BNIP1: variants seen among roughly 807,000 people sequenced by gnomAD.
BNIP1 encodes BCL2 interacting protein 1, also known as vesicle transport protein SEC20.
BNIP1 carries 25 observed loss-of-function variants against 28.5 expected under a neutral mutation model. The observed-to-expected ratio is 0.88, with a 90% CI of 0.64 to 1.23. The LOEUF (loss-of-function observed/expected upper bound fraction) is 1.23, where lower values mean the gene tolerates loss of function less well. Ranked by LOEUF, BNIP1 falls within the 50% of genes most tolerant of loss-of-function variation. The pLI, the probability that BNIP1 is intolerant of heterozygous loss-of-function variation, is 0.00. For missense variants in BNIP1, 276 were observed against 277.0 expected (o/e 1.00, Z 0.02); for synonymous variants, 118 against 101.7 (o/e 1.16, Z -0.96).
chr5:173,144,760 G>A (rs1759782004), intron 1 of BNIP1, 131 bp downstream of exon 1: 5 of 918,426 alleles, frequency 5.4e-6, no homozygotes, highest in Non-Finnish European at 8.1e-6. Context: ...CCCCATGGTC[G>A]GCTACCCCCC....
intron 2 of BNIP1, among the ~76,000 whole-genome samples, chr5:173,151,241 C>T (rs1374192568): frequency 6.6e-6 from 1 of 151,576 alleles, no homozygotes; most frequent in African/African-American, 2.4e-5. Flanking sequence ...TTTTTTGAGA[C>T]AGGGTCTTGG....
intron 3 of BNIP1, among the ~76,000 whole-genome samples, chr5:173,157,420 CT>C (rs796408850): frequency 1.4e-4 from 20 of 146,320 alleles, no homozygotes; most frequent in East Asian, 2.0e-4. Flanking sequence ...GTCAACATTT[CT>C]TTTTTTTTTT....
At chr5:173,163,513 A>G (rs985846320) in intron 5 of BNIP1, among the ~76,000 whole-genome samples, 2 of 152,166 alleles carry the variant, frequency 1.3e-5, no homozygotes, top group Non-Finnish European at 2.9e-5. Context: ...AAGGACTCCC[A>G]GACAAACCCC....
chr5:173,148,435 T>A (rs368426770), intron 2 of BNIP1, among the ~76,000 whole-genome samples: 19 of 151,950 alleles, frequency 1.3e-4, no homozygotes, highest in African/African-American at 4.1e-4. Flanking sequence ...CATCCAAGGA[T>A]CCTGCATGCA....
chr5:173,163,834 G>A lies in BNIP1; in HGVS notation c.600G>A (p.Thr200=), dbSNP rs774025922. 63 of 1,613,854 alleles carry A rather than the reference G, an allele frequency of 3.9e-5. No homozygotes were observed. Among genetic ancestry groups the A allele is most frequent in the Admixed American group, 1.5e-4 (9 of 59,966 alleles). The part of the protein sequence containing the change: ...LITKYNRREL[T]DKLLIFLALA... ...CAAAATACAATCGCCGGGAGCTGAC[G>A]GACAAGCTTCTCATCTTCCTTGCGC... Residue 200 remains threonine, a synonymous_variant, in exon 6 of 6, where the codon ACG becomes ACA. Coordinates refer to ENST00000351486, the MANE Select transcript of BNIP1 (RefSeq NM_001205.3).
intron 3 of BNIP1, 48 bp from the exon 4 acceptor site, chr5:173,158,696 A>G: frequency 2.0e-6 from 3 of 1,481,542 alleles, no homozygotes; most frequent in Non-Finnish European, 2.8e-6. Flanking sequence ...GAACTGACTT[A>G]TGGCTTGGTG....
intron 4 of BNIP1, among the ~76,000 whole-genome samples, chr5:173,159,515 A>G (rs1204481591): frequency 6.6e-6 from 1 of 151,646 alleles, no homozygotes; most frequent in Non-Finnish European, 1.5e-5. Context: ...TAATTCTAAC[A>G]GTACATAGTA....
intron 5 of BNIP1, 127 bp from the exon 6 acceptor site, chr5:173,163,598 T>C: frequency 1.2e-6 from 1 of 847,662 alleles, no homozygotes; most frequent in Non-Finnish European, 1.8e-6. Context: ...CTCCACATGC[T>C]TTGATTCCAG....
intron 2 of BNIP1, among the ~76,000 whole-genome samples, chr5:173,153,982 G>A (rs1760106002): frequency 6.6e-6 from 1 of 152,174 alleles, no homozygotes; most frequent in Non-Finnish European, 1.5e-5. Flanking sequence ...GGATCAGTGT[G>A]CTTGTATTTC....
rs576547198 is a variant in BNIP1 at position 173,144,676 on chromosome 5, G to T, written c.84+47G>T. On this transcript the variant is annotated intron_variant, in intron 1 of 5. Coordinates refer to ENST00000351486, the MANE Select transcript of BNIP1 (RefSeq NM_001205.3). ...CCGGGCTCCAGCAGCCCTAACCCAAGCTCTGCTGGTCTGTGAGCTTGGCAG... is the reference window on the plus strand; with the variant it reads ...CCGGGCTCCAGCAGCCCTAACCCAATCTCTGCTGGTCTGTGAGCTTGGCAG... 1.3e-5 allele frequency: 20 copies of T among 1,597,094 alleles called. No homozygotes were observed. The South Asian group carries it at 2.1e-4, about 17-fold the overall frequency.
rs758398770 is a variant in BNIP1 at position 173,157,910 on chromosome 5, TTG to T, written c.270-818_270-817del. ...AGAAATATTTTGAAAGATTGGCTTTTTGTGTGTGTGTGTGTGTTTTTTTTTTT... is the reference window on the plus strand; with the variant it reads ...AGAAATATTTTGAAAGATTGGCTTTTTGTGTGTGTGTGTGTTTTTTTTTTT... On this transcript the variant is annotated intron_variant, in intron 3 of 5. Transcript: ENST00000351486. Among the ~76,000 whole-genome samples, 296 of 148,932 alleles carry T rather than the reference TTG, an allele frequency of 2.0e-3. 23 individuals carry two copies. The highest frequency in any genetic ancestry group is 3.6e-3 in the Middle Eastern group (1 of 280).
At position 173,154,241 on chromosome 5, in the gene BNIP1, C is replaced by T. The variant is rs1760113671; in HGVS notation, c.178-81C>T. The stretch of plus-strand genomic sequence containing the variant: ...GGGTGCTTCAAGTGCTATTGTATGC[C>T]CTTGGCAGAAATAGAAATGCTCTTC... On this transcript the variant is annotated intron_variant, in intron 2 of 5. Coordinates refer to ENST00000351486, the MANE Select transcript of BNIP1 (RefSeq NM_001205.3). 1.9e-5 allele frequency: 25 copies of T among 1,310,388 alleles called. No individual in the cohort carries two copies. The South Asian group carries it at 2.9e-4, about 15-fold the overall frequency. 81.2% of individuals were successfully genotyped at this position (1,310,388 alleles called of 1,614,324 possible). A position where few individuals can be genotyped will look rare whatever the true frequency, so the allele number is the denominator to read the frequency against.
intron 4 of BNIP1, among the ~76,000 whole-genome samples, 180 bp downstream of exon 4, chr5:173,159,025 A>C (rs1338662795): frequency 2.6e-5 from 4 of 152,074 alleles, no homozygotes; most frequent in Non-Finnish European, 4.4e-5. Flanking sequence ...TGAATTACAA[A>C]ATTAAAATAT....
intron 2 of BNIP1, among the ~76,000 whole-genome samples, chr5:173,148,246 G>A (rs1759924276): frequency 6.6e-6 from 1 of 150,668 alleles, no homozygotes; most frequent in South Asian, 2.1e-4. Context: ...TTACAGGCAT[G>A]AGCCCAGACT....
intron 2 of BNIP1, among the ~76,000 whole-genome samples, chr5:173,148,142 A>G (rs1320424754): frequency 9.3e-6 from 1 of 107,098 alleles, no homozygotes; most frequent in Admixed American, 1.2e-4. Context: ...ATATATTTTA[A>G]TAGAGATGGA....
In BNIP1 at chr5:173,157,616, T is replaced by C. The variant is rs545199258; in HGVS notation, c.270-1128T>C. On this transcript the variant is annotated intron_variant, in intron 3 of 5. Transcript: ENST00000351486. The stretch of plus-strand genomic sequence containing the variant: ...TTTTAGTAGAGACAGGGTTTTAACA[T>C]GTTGGCCAGGCTGGTCTCGAACTCC... Among the ~76,000 whole-genome samples the C allele has an allele frequency of 5.9e-5, 9 of 152,280 alleles. No homozygotes were observed. In the East Asian group the frequency reaches 1.4e-3, roughly 23 times the overall value.
At chr5:173,147,009 C>A in intron 2 of BNIP1, 51 bp downstream of exon 2, 1 of 1,463,378 alleles carries the variant, frequency 6.8e-7, no homozygotes, top group South Asian at 1.1e-5. Context: ...TGGGTATATC[C>A]TCTGCTTGAG....
chr5:173,148,898 G>A, intron 2 of BNIP1, among the ~76,000 whole-genome samples: 1 of 151,926 alleles, frequency 6.6e-6, no homozygotes, highest in Middle Eastern at 3.2e-3. Flanking sequence ...ATTTCCTGAG[G>A]GTTTCTAGTA....
intron 5 of BNIP1, among the ~76,000 whole-genome samples, chr5:173,160,504 G>T (rs996346523): frequency 2.6e-5 from 4 of 152,146 alleles, no homozygotes; most frequent in Non-Finnish European, 4.4e-5. Context: ...AAAGTGCTGG[G>T]ATTATAGGCG....
Sources: gnomAD v4.1 joint callset for allele counts (sites outside exome capture counted in the v4.1 genomes callset) on GRCh38, gnomAD v4.1.1 for gene constraint, MANE v1.5 for transcripts, NCBI Gene and HGNC (gene_info 2026-07-23, HGNC 2026-07-21) for gene names.